Variants in CPPED1 observed in about 807,000 individuals in gnomAD.
CPPED1 encodes the protein serine/threonine-protein phosphatase CPPED1.
In CPPED1, 28 loss-of-function variants were observed where a neutral mutation model predicts 28.0. That is an observed-to-expected ratio of 1.00 (90% confidence interval 0.74 to 1.37). CPPED1 has a LOEUF of 1.37. Ranked by LOEUF, CPPED1 falls within the 40% of genes most tolerant of loss-of-function variation. The pLI, the probability that CPPED1 is intolerant of heterozygous loss-of-function variation, is 0.00. For missense variants in CPPED1, 504 were observed against 416.5 expected, an observed-to-expected ratio of 1.21 and a Z score of -1.83; for synonymous variants, 198 against 180.2, an observed-to-expected ratio of 1.10 and a Z score of -0.79.
chr16:12,803,245 C>A (rs1362337113), intron 1 of CPPED1, among the ~76,000 whole-genome samples: 1 of 152,200 alleles, frequency 6.6e-6, no homozygotes, highest in Admixed American at 6.5e-5. Context: ...AAATAAACGT[C>A]ATTATGGAGT....
intron 2 of CPPED1, among the ~76,000 whole-genome samples, chr16:12,727,860 T>C (rs1446951461): frequency 6.6e-6 from 1 of 152,208 alleles, no homozygotes; most frequent in Non-Finnish European, 1.5e-5. Flanking sequence ...CATACTATTA[T>C]TCTCCTACAG....
At chr16:12,771,966 T>C (rs111790975) in intron 2 of CPPED1, among the ~76,000 whole-genome samples, 11,853 of 151,974 alleles carry the variant, frequency 0.078, 627 homozygotes, top group Non-Finnish European at 0.11. Context: ...CTACTAAAAA[T>C]ACAAAAATTA....
Position 12,660,195 on chromosome 16 carries a change from A to C in CPPED1, c.*4691T>G, listed in dbSNP as rs577810978. The C allele has an allele frequency of 3.9e-5, 6 of 152,328 alleles. No homozygotes were observed. The highest frequency in any genetic ancestry group is 1.4e-4 in the African/African-American group (6 of 41,582). 9.4% of individuals were successfully genotyped at this position (152,328 alleles called of 1,614,324 possible). A position where few individuals can be genotyped will look rare whatever the true frequency, so the allele number is the denominator to read the frequency against. On this transcript the variant is annotated 3_prime_UTR_variant, in exon 4 of 4. Coordinates refer to ENST00000381774, the MANE Select transcript of CPPED1 (RefSeq NM_018340.3). ...GAGTGGATGTTGAAATGATGACAAG[A>C]AGCCAGTTTCTAGAGAGGCACAGTG...
intron 2 of CPPED1, among the ~76,000 whole-genome samples, chr16:12,745,439 G>T (rs911553192): frequency 1.3e-5 from 2 of 152,156 alleles, no homozygotes; most frequent in African/African-American, 4.8e-5. Context: ...ACCAACGACA[G>T]ATTGGATAAA....
chr16:12,700,907 G>T lies in CPPED1; in HGVS notation c.715+3717C>A, dbSNP rs1177339227. ...CTGAAGAACCTGGGGTGGGGAGGAG[G>T]GGAGAGCCTTATACAGAAGATGTCA... On this transcript the variant is annotated intron_variant, in intron 3 of 3. Transcript: ENST00000381774. Among the ~76,000 whole-genome samples, 4 of 152,038 alleles carry T rather than the reference G, an allele frequency of 2.6e-5. No homozygotes were observed. In the East Asian group the frequency reaches 7.7e-4, roughly 29 times the overall value.
chr16:12,797,708 G>GA (rs942986220), intron 1 of CPPED1, among the ~76,000 whole-genome samples: 11 of 150,912 alleles, frequency 7.3e-5, no homozygotes, highest in East Asian at 1.9e-4. Flanking sequence ...TGATGAGCTT[G>GA]AAAAAAAAAT....
intron 2 of CPPED1, among the ~76,000 whole-genome samples, chr16:12,777,338 T>A (rs2080503504): frequency 6.6e-6 from 1 of 152,212 alleles, no homozygotes; most frequent in African/African-American, 2.4e-5. Flanking sequence ...TATCATCATG[T>A]TCTGATTTGT....
chr16:12,743,822 G>A (rs989856015), intron 2 of CPPED1, among the ~76,000 whole-genome samples: 3 of 151,954 alleles, frequency 2.0e-5, no homozygotes, highest in Non-Finnish European at 2.9e-5. Context: ...TGGGCAGCAC[G>A]ATGAAACCCC....
intron 2 of CPPED1, among the ~76,000 whole-genome samples, chr16:12,754,836 T>A (rs1466401036): frequency 6.6e-6 from 1 of 152,114 alleles, no homozygotes; most frequent in Non-Finnish European, 1.5e-5. Flanking sequence ...TCTGTCTCTA[T>A]TAAAATTAAA....
At chr16:12,705,522 C>T (rs1480512416) in intron 2 of CPPED1, among the ~76,000 whole-genome samples, 1 of 152,156 alleles carries the variant, frequency 6.6e-6, no homozygotes, top group East Asian at 1.9e-4. Flanking sequence ...CTTAGGGAGG[C>T]CGAGGCACGT....
intron 2 of CPPED1, among the ~76,000 whole-genome samples, chr16:12,774,885 G>C (rs575256901): frequency 6.6e-6 from 1 of 152,276 alleles, no homozygotes; most frequent in East Asian, 1.9e-4. Flanking sequence ...GCAGTGGCAT[G>C]ATCACGGCTC....
rs555295420 is a variant in CPPED1, at chr16:12,667,055, G to C, written c.716-1940C>G. Among the ~76,000 whole-genome samples, 42 of 152,154 alleles carry C rather than the reference G, an allele frequency of 2.8e-4. No homozygotes were observed. The South Asian group carries it at 8.1e-3, about 29-fold the overall frequency. On this transcript the variant is annotated intron_variant, in intron 3 of 3. Coordinates refer to ENST00000381774, the MANE Select transcript of CPPED1 (RefSeq NM_018340.3). ...ACTATTATAAGGCCTGGTCCTGAACGGGGGTGGGGGTGGAGGTAATGAAAA... is the reference window on the plus strand; with the variant it reads ...ACTATTATAAGGCCTGGTCCTGAACCGGGGTGGGGGTGGAGGTAATGAAAA...
intron 2 of CPPED1, among the ~76,000 whole-genome samples, chr16:12,780,216 T>C (rs1294054872): frequency 4.0e-5 from 6 of 151,802 alleles, no homozygotes; most frequent in African/African-American, 1.5e-4. Flanking sequence ...GTCTCACTCC[T>C]TCACCCAGGC....
At chr16:12,703,586 G>T (rs1467381490) in intron 3 of CPPED1, among the ~76,000 whole-genome samples, 1 of 151,790 alleles carries the variant, frequency 6.6e-6, no homozygotes, top group Non-Finnish European at 1.5e-5. Flanking sequence ...GGAGGCTGAG[G>T]CATGAGAATC....
chr16:12,791,099 G>A (rs1001206889), intron 1 of CPPED1, among the ~76,000 whole-genome samples: 2 of 149,696 alleles, frequency 1.3e-5, no homozygotes, highest in Admixed American at 6.7e-5. Flanking sequence ...TGCAGAACAC[G>A]CAGGTTTGTT....
chr16:12,746,962 A>G (rs1243542912), intron 2 of CPPED1, among the ~76,000 whole-genome samples: 1 of 152,100 alleles, frequency 6.6e-6, no homozygotes, highest in African/African-American at 2.4e-5. Context: ...GAAGTGAGGA[A>G]AAGAGGAAAA....
intron 2 of CPPED1, among the ~76,000 whole-genome samples, chr16:12,733,246 C>G (rs947603933): frequency 4.0e-5 from 6 of 150,588 alleles, no homozygotes; most frequent in Non-Finnish European, 8.8e-5. Flanking sequence ...ATTATAAATA[C>G]TAAATGCTGA....
chr16:12,741,250 A>C (rs1661114811), intron 2 of CPPED1, among the ~76,000 whole-genome samples: 1 of 152,110 alleles, frequency 6.6e-6, no homozygotes, highest in Non-Finnish European at 1.5e-5. Context: ...ATGGTTTCAC[A>C]TCAGACTTTT....
At chr16:12,800,194 T>A (rs1213317242) in intron 1 of CPPED1, among the ~76,000 whole-genome samples, 1 of 152,078 alleles carries the variant, frequency 6.6e-6, no homozygotes. Flanking sequence ...TGCCTGTAAA[T>A]CCCAGCACTT....
Sources: gnomAD v4.1 joint callset for allele counts (sites outside exome capture counted in the v4.1 genomes callset) on GRCh38, gnomAD v4.1.1 for gene constraint, MANE v1.5 for transcripts, NCBI Gene and HGNC (gene_info 2026-07-23, HGNC 2026-07-21) for gene names.